The following AKT3 variants were observed in gnomAD, a reference collection of about 807,000 sequenced individuals.
AKT3 encodes the protein RAC-gamma serine/threonine-protein kinase.
AKT3 carries 15 observed loss-of-function variants against 65.3 expected under a neutral mutation model. The observed-to-expected ratio is 0.23, with a 90% CI of 0.15 to 0.35. AKT3 has a LOEUF of 0.35. Among genes scored for constraint, AKT3 ranks in the 10% least tolerant of loss-of-function variants. The pLI is 1.00. For synonymous variants in AKT3, 206 were observed against 183.8 expected, an observed-to-expected ratio of 1.12 and a Z score of -0.98; for missense variants, 243 against 576.5, an observed-to-expected ratio of 0.42 and a Z score of 5.92.
intron 2 of AKT3, among the ~76,000 whole-genome samples, chr1:243,744,429 T>A (rs1480716592): frequency 6.6e-6 from 1 of 152,234 alleles, no homozygotes; most frequent in Non-Finnish European, 1.5e-5. Flanking sequence ...TCTCATACTT[T>A]AAGAAAAAGT....
intron 2 of AKT3, among the ~76,000 whole-genome samples, chr1:243,759,314 T>A (rs967670773): frequency 1.3e-5 from 2 of 149,718 alleles, no homozygotes; most frequent in Non-Finnish European, 3.0e-5. Context: ...AGTAAAACCC[T>A]GTCTCACCAA....
intron 7 of AKT3, 58 bp from the exon 8 acceptor site, chr1:243,613,797 A>C: frequency 9.1e-7 from 1 of 1,098,038 alleles, no homozygotes; most frequent in Non-Finnish European, 1.3e-6. Context: ...TATAATTATA[A>C]TAGTACTAAA....
chr1:243,677,860 G>A (rs1226426487), intron 3 of AKT3, among the ~76,000 whole-genome samples: 1 of 152,160 alleles, frequency 6.6e-6, no homozygotes, highest in African/African-American at 2.4e-5. Flanking sequence ...ACTGAGGCGG[G>A]TGGATTACCT....
chr1:243,588,729 A>G (rs1179765219), intron 8 of AKT3, among the ~76,000 whole-genome samples: 1 of 152,178 alleles, frequency 6.6e-6, no homozygotes, highest in Non-Finnish European at 1.5e-5. Context: ...ATCATATCAA[A>G]AAACCAACTC....
chr1:243,753,127 T>C (rs986099019), intron 2 of AKT3, among the ~76,000 whole-genome samples: 1 of 152,178 alleles, frequency 6.6e-6, no homozygotes, highest in African/African-American at 2.4e-5. Flanking sequence ...CACCATCCGA[T>C]TTCACAGGCA....
At chr1:243,795,982 T>C (rs75213118) in intron 2 of AKT3, among the ~76,000 whole-genome samples, 9 of 152,294 alleles carry the variant, frequency 5.9e-5, no homozygotes, top group Non-Finnish European at 2.9e-5. Flanking sequence ...CTCCCCTGTT[T>C]TCAGCTCCAT....
intron 12 of AKT3, among the ~76,000 whole-genome samples, chr1:243,527,085 C>T (rs1294333064): frequency 2.6e-5 from 4 of 152,092 alleles, no homozygotes; most frequent in Non-Finnish European, 4.4e-5. Flanking sequence ...GATTAATCTT[C>T]AAACAGAAAC....
chr1:243,697,875 A>G (rs903585626), intron 2 of AKT3, among the ~76,000 whole-genome samples: 15 of 152,184 alleles, frequency 9.9e-5, no homozygotes, highest in Admixed American at 3.3e-4. Context: ...CCCACCACTT[A>G]ATGCTCAATC....
At chr1:243,795,789 C>T (rs370217622) in intron 2 of AKT3, among the ~76,000 whole-genome samples, 1 of 152,134 alleles carries the variant, frequency 6.6e-6, no homozygotes, top group African/African-American at 2.4e-5. Context: ...TGTTTTAAAC[C>T]AAGCAACAAT....
chr1:243,845,385 C>T (rs565391801), intron 1 of AKT3, among the ~76,000 whole-genome samples: 1 of 150,772 alleles, frequency 6.6e-6, no homozygotes, highest in Admixed American at 6.6e-5. Flanking sequence ...AGGAGGATCA[C>T]TTATGTCCAG....
intron 3 of AKT3, among the ~76,000 whole-genome samples, chr1:243,688,777 T>C (rs10927059): frequency 0.24 from 36,235 of 152,002 alleles, 4,691 homozygotes; most frequent in African/African-American, 0.32. Flanking sequence ...TTTCATCACA[T>C]TGATATTTAA....
intron 8 of AKT3, among the ~76,000 whole-genome samples, chr1:243,608,592 A>G (rs1363566440): frequency 6.6e-6 from 1 of 152,114 alleles, no homozygotes; most frequent in Non-Finnish European, 1.5e-5. Context: ...GATGCCATAC[A>G]GATCCTACCC....
At position 243,713,742 on chromosome 1, in the gene AKT3, T is replaced by TTAA. The variant is rs1232003736; in HGVS notation, c.47-18029_47-18027dup. On this transcript the variant is annotated intron_variant, in intron 2 of 13. Coordinates refer to ENST00000673466, the MANE Select transcript of AKT3 (RefSeq NM_005465.7). Reference sequence around the variant, plus strand: ...CATTTCGCTACAAGGCTGCTTTGCCTTAATAAAAAAAAAAAAAAAAAAAAA... The same window carrying TTAA: ...CATTTCGCTACAAGGCTGCTTTGCCTTAATAATAAAAAAAAAAAAAAAAAAAAA... 5.5e-5 allele frequency among the ~76,000 whole-genome samples: 4 copies of TTAA among 72,906 alleles called. 1 individual carries two copies. Among genetic ancestry groups the TTAA allele is most frequent in the African/African-American group, 2.2e-4 (4 of 18,048 alleles). The allele number at this position is 72,906 out of a possible 152,430, so 47.8% of individuals were successfully genotyped here. A position where few individuals can be genotyped will look rare whatever the true frequency, so the allele number is the denominator to read the frequency against.
Position 243,734,388 on chromosome 1 carries a change from A to G in AKT3, c.47-38672T>C, listed in dbSNP as rs1009141586. Among the ~76,000 whole-genome samples, 88 of 152,360 alleles carry G rather than the reference A, an allele frequency of 5.8e-4. 1 individual carries two copies. Among genetic ancestry groups the G allele is most frequent in the African/African-American group, 2.0e-3 (83 of 41,590 alleles). On this transcript the variant is annotated intron_variant, in intron 2 of 13. Transcript: ENST00000673466. Reference sequence around the variant, plus strand: ...GGGGATACATTCTGAGAAATGCATCATTAGGCAATTTCCTCACTGAGTGAA... The same window carrying G: ...GGGGATACATTCTGAGAAATGCATCGTTAGGCAATTTCCTCACTGAGTGAA...
At chr1:243,531,757 T>C (rs1671546569) in intron 12 of AKT3, among the ~76,000 whole-genome samples, 1 of 152,204 alleles carries the variant, frequency 6.6e-6, no homozygotes, top group South Asian at 2.1e-4. Context: ...ATGAGATGTC[T>C]TTCCATTCAT....
At chr1:243,648,281 GAAAAA>G (rs1681003336) in intron 4 of AKT3, among the ~76,000 whole-genome samples, 2 of 149,830 alleles carry the variant, frequency 1.3e-5, no homozygotes, top group African/African-American at 4.9e-5. Context: ...GAAAAGAAAA[GAAAAA>G]GAAAATAAAA....
intron 5 of AKT3, 56 bp downstream of exon 5, chr1:243,645,837 A>T (rs1558680111): frequency 6.1e-6 from 9 of 1,470,048 alleles, no homozygotes; most frequent in Non-Finnish European, 8.2e-6. Flanking sequence ...GTAGCTTTTA[A>T]TATGTTTCTT....
intron 13 of AKT3, among the ~76,000 whole-genome samples, chr1:243,509,021 A>G (rs994614826): frequency 6.6e-6 from 1 of 152,106 alleles, no homozygotes; most frequent in Non-Finnish European, 1.5e-5. Context: ...TTTGATAACC[A>G]TCTTGAAAGT....
chr1:243,606,722 T>C (rs1677453526), intron 8 of AKT3, among the ~76,000 whole-genome samples: 1 of 152,316 alleles, frequency 6.6e-6, no homozygotes, highest in Admixed American at 6.5e-5. Flanking sequence ...GAAAATGTCT[T>C]CAGGGCATTT....
Sources: gnomAD v4.1 joint callset for allele counts (sites outside exome capture counted in the v4.1 genomes callset) on GRCh38, gnomAD v4.1.1 for gene constraint, MANE v1.5 for transcripts, NCBI Gene and HGNC (gene_info 2026-07-23, HGNC 2026-07-21) for gene names.